Variants in CRLF3 observed in about 807,000 individuals in gnomAD.
CRLF3 encodes the protein cytokine receptor-like factor 3.
Under a neutral mutation model 55.0 loss-of-function variants are expected in CRLF3, and 33 were observed. The observed-to-expected ratio is 0.60, with a 90% CI of 0.46 to 0.80. The LOEUF (loss-of-function observed/expected upper bound fraction) is 0.80. Ranked by LOEUF, CRLF3 falls within the 30% of genes least tolerant of loss-of-function variation. CRLF3 has a pLI of 0.00. For missense variants in CRLF3, 494 were observed against 538.4 expected, an observed-to-expected ratio of 0.92 and a Z score of 0.82; for synonymous variants, 238 against 196.8, an observed-to-expected ratio of 1.21 and a Z score of -1.75.
chr17:30,797,166 C>G (rs1053862224), intron 3 of CRLF3, 145 bp downstream of exon 3: 17 of 647,206 alleles, frequency 2.6e-5, no homozygotes, highest in African/African-American at 5.5e-5. Context: ...GCTGGGATTA[C>G]AGGTGTAAAC....
At position 30,816,561 on chromosome 17, in the gene CRLF3, C is replaced by T. The variant is rs1242834876; in HGVS notation, c.129+7962G>A. Among the ~76,000 whole-genome samples the T allele has an allele frequency of 1.4e-4, 20 of 143,672 alleles. No individual in the cohort carries two copies. In the Admixed American group the frequency reaches 1.5e-3, roughly 11 times the overall value. The allele number at this position is 143,672 out of a possible 152,430, so 94.3% of individuals were successfully genotyped here. A position where few individuals can be genotyped will look rare whatever the true frequency, so the allele number is the denominator to read the frequency against. On this transcript the variant is annotated intron_variant, in intron 1 of 7. Transcript: ENST00000324238. ...CTGGAGTACAGTGGTGTGATCATGG[C>T]TTACTGCACCCTCAGCCTCCTGGGC...
intron 2 of CRLF3, among the ~76,000 whole-genome samples, chr17:30,797,940 A>G (rs1214089651): frequency 8.0e-6 from 1 of 125,236 alleles, no homozygotes; most frequent in African/African-American, 3.0e-5. Context: ...ATGCCCAGCT[A>G]TTTTTTTTTT....
At chr17:30,785,814 A>T in intron 7 of CRLF3, 105 bp downstream of exon 7, 1 of 613,302 alleles carries the variant, frequency 1.6e-6, no homozygotes, top group Non-Finnish European at 2.8e-6. Flanking sequence ...AAAAATACCT[A>T]AATTTTCTCA....
chr17:30,814,771 G>A (rs1904733081), intron 1 of CRLF3, among the ~76,000 whole-genome samples: 1 of 152,118 alleles, frequency 6.6e-6, no homozygotes, highest in Non-Finnish European at 1.5e-5. Context: ...GGAGCTCGAG[G>A]CAGGTGGATC....
intron 2 of CRLF3, among the ~76,000 whole-genome samples, chr17:30,797,978 C>T (rs1171143536): frequency 8.8e-6 from 1 of 114,250 alleles, no homozygotes; most frequent in Non-Finnish European, 1.9e-5. Context: ...TGAGGTCTCA[C>T]TATGTTGCCC....
At position 30,824,684 on chromosome 17, in the gene CRLF3, T is replaced by C. The variant is rs1228268465; in HGVS notation, c.-33A>G. On this transcript the variant is annotated 5_prime_UTR_variant, in exon 1 of 8. Transcript: ENST00000324238. ...CGCGGCCGGCGAAACCTAGCGCGGG[T>C]TCCCGACTGCACCGGGCGCCTCCAA... is the stretch of plus-strand genomic sequence containing the variant. 6 of 1,576,426 alleles carry C rather than the reference T, an allele frequency of 3.8e-6. 1 individual carries two copies. In the Admixed American group the frequency reaches 6.8e-5, roughly 18 times the overall value.
At chr17:30,794,795 AAAAC>A (rs547873658) in intron 4 of CRLF3, among the ~76,000 whole-genome samples, 166 of 152,300 alleles carry the variant, frequency 1.1e-3, no homozygotes, top group African/African-American at 3.6e-3. Context: ...CCCTGTCTCA[AAAAC>A]AAACAAATAA....
At chr17:30,813,522 G>A (rs1461717143) in intron 1 of CRLF3, among the ~76,000 whole-genome samples, 1 of 152,148 alleles carries the variant, frequency 6.6e-6, no homozygotes, top group East Asian at 1.9e-4. Flanking sequence ...AGCAGGGGAT[G>A]TCACCTTGAA....
Position 30,796,265 on chromosome 17 carries a change from T to C in CRLF3, c.498A>G (p.Ile166Met). The C allele has an allele frequency of 1.2e-6, 2 of 1,614,066 alleles. No homozygotes were observed. Among genetic ancestry groups the C allele is most frequent in the Non-Finnish European group, 1.7e-6 (2 of 1,179,932 alleles). ...SAQLDDSILN[I>M]VKDHIFKHGT... Reference sequence around the variant, plus strand: ...CATGCTTAAAAATGTGGTCTTTCACTATGTTAAGAATTGAGTCATCCAACT... The same window carrying C: ...CATGCTTAAAAATGTGGTCTTTCACCATGTTAAGAATTGAGTCATCCAACT... The change falls in exon 4 of 8, where the codon ATA becomes ATG. Residue 166 changes from isoleucine (I) to methionine (M), a missense_variant. Ile to Met is a conservative substitution (Grantham distance 10, BLOSUM62 1). Transcript: ENST00000324238.
chr17:30,788,185 G>A (rs1356728618), intron 6 of CRLF3, among the ~76,000 whole-genome samples: 2 of 150,098 alleles, frequency 1.3e-5, no homozygotes, highest in African/African-American at 2.5e-5. Flanking sequence ...TAAATTAGCC[G>A]GGCGTGGTAG....
chr17:30,811,817 A>G (rs1457710454), intron 1 of CRLF3, among the ~76,000 whole-genome samples: 38 of 149,754 alleles, frequency 2.5e-4, no homozygotes, highest in Non-Finnish European at 5.2e-4. Context: ...AAAAAAAAAA[A>G]AAAAAAAAAA....
In CRLF3 at chr17:30,804,083, C is replaced by T. The variant is rs754396895; in HGVS notation, c.155G>A (p.Arg52Lys). ...ATTAAAATGCTGTTTGAGAACATCC[C>T]TTGTCTGTGATGCACTTTCTTTGAT... ...RQIKESASQT[R>K]DVLKQHFNDL... The change falls in exon 2 of 8, where the codon AGG becomes AAG. Residue 52 changes from arginine to lysine, a missense_variant. Arg to Lys is a conservative substitution (Grantham distance 26). Transcript: ENST00000324238. The T allele has an allele frequency of 1.2e-6, 2 of 1,613,310 alleles. No individual in the cohort carries two copies. The highest frequency in any genetic ancestry group is 2.2e-5 in the South Asian group (2 of 91,030).
Position 30,793,596 on chromosome 17 carries a change from T to C in CRLF3, c.680A>G (p.Tyr227Cys). The C allele has an allele frequency of 6.2e-7, 1 of 1,614,050 alleles. No individual in the cohort carries two copies. The highest frequency in any genetic ancestry group is 8.5e-7 in the Non-Finnish European group (1 of 1,179,970). Residue 227 changes from tyrosine to cysteine, a missense_variant, in exon 5 of 8, where the codon TAT becomes TGT. By Grantham distance (194) the Tyr-to-Cys change is radical. Coordinates refer to ENST00000324238, the MANE Select transcript of CRLF3 (RefSeq NM_015986.4). ...TATGAATTCAGTTTCAGAACCTACA[T>C]ATACATCCTCAAAATGATTTGAAGT... ...KCTSNHFEDV[Y>C]VGSETEFIVL...
Position 30,784,333 on chromosome 17 carries a change from T to C in CRLF3, c.1183A>G (p.Asn395Asp). ...EAVTLGTTSN[N>D]EGGHFKLRVT... ...CGAAGCTTGAAGTGTCCACCTTCAT[T>C]ATTACTGGTGGTTCCTAGAGTCACG... The change falls in exon 8 of 8, where the codon AAT (asparagine) becomes GAT (aspartate). Residue 395 changes from asparagine to aspartate, a missense_variant. By Grantham distance (23) the Asn-to-Asp change is conservative. Coordinates refer to ENST00000324238, the MANE Select transcript of CRLF3 (RefSeq NM_015986.4). 1 of 1,614,174 alleles carries C rather than the reference T, an allele frequency of 6.2e-7. No individual in the cohort carries two copies. The highest frequency in any genetic ancestry group is 2.2e-5 in the East Asian group (1 of 44,888).
Position 30,783,462 on chromosome 17 carries a change from C to A in CRLF3, c.*725G>T, listed in dbSNP as rs1971548986. 6.6e-6 allele frequency: 1 copy of A among 152,056 alleles called. No homozygotes were observed. The highest frequency in any genetic ancestry group is 1.5e-5 in the Non-Finnish European group (1 of 68,020). 9.4% of individuals were successfully genotyped at this position (152,056 alleles called of 1,614,324 possible). A position where few individuals can be genotyped will look rare whatever the true frequency, so the allele number is the denominator to read the frequency against. On this transcript the variant is annotated 3_prime_UTR_variant, in exon 8 of 8. Transcript: ENST00000324238. ...TGAAACCCTGTCTCTACTAAAAATA[C>A]AAAAATTAGCCAGGTGTGGTGGCCG...
intron 6 of CRLF3, 41 bp downstream of exon 6, chr17:30,792,399 C>G (rs375333013): frequency 9.5e-6 from 15 of 1,580,474 alleles, no homozygotes; most frequent in East Asian, 6.8e-5. Context: ...GCACTTCACT[C>G]TGCTTCCTGA....
chr17:30,807,885 T>C (rs1904466764), intron 1 of CRLF3, among the ~76,000 whole-genome samples: 1 of 152,190 alleles, frequency 6.6e-6, no homozygotes, highest in Admixed American at 6.6e-5. Flanking sequence ...AAAATAATTC[T>C]TTAAATCACA....
chr17:30,810,422 C>T (rs907714961), intron 1 of CRLF3, among the ~76,000 whole-genome samples: 1 of 151,860 alleles, frequency 6.6e-6, no homozygotes. Context: ...AAAAATTACC[C>T]AAGCGTAGTG....
chr17:30,805,821 G>A (rs1904383469), intron 1 of CRLF3, among the ~76,000 whole-genome samples: 1 of 151,656 alleles, frequency 6.6e-6, no homozygotes, highest in African/African-American at 2.4e-5. Context: ...CCAAGAGTTT[G>A]AAACCAGCTT....
Sources: gnomAD v4.1 joint callset for allele counts (sites outside exome capture counted in the v4.1 genomes callset) on GRCh38, gnomAD v4.1.1 for gene constraint, MANE v1.5 for transcripts, NCBI Gene and HGNC (gene_info 2026-07-23, HGNC 2026-07-21) for gene names.